Variants in TTLL11 observed in about 807,000 individuals in gnomAD.
TTLL11 encodes tubulin polyglutamylase TTLL11.
In TTLL11, 42 loss-of-function variants were observed where a neutral mutation model predicts 51.7. That is an observed-to-expected ratio of 0.81 (90% CI 0.64 to 1.05). The LOEUF (loss-of-function observed/expected upper bound fraction) is 1.05. TTLL11 is among the 50% of genes least tolerant of loss of function. The pLI is 0.00. For missense variants in TTLL11, 799 were observed against 940.4 expected (o/e 0.85, Z 1.97); for synonymous variants, 381 against 383.5 (o/e 0.99, Z 0.08).
intron 6 of TTLL11, among the ~76,000 whole-genome samples, chr9:121,957,219 G>T (rs1395131413): frequency 6.6e-6 from 1 of 152,076 alleles, no homozygotes; most frequent in Non-Finnish European, 1.5e-5. Context: ...ATCAGGGGGC[G>T]CCTTCTACCA....
chr9:122,041,099 A>G (rs999021733), intron 1 of TTLL11, among the ~76,000 whole-genome samples: 3 of 152,122 alleles, frequency 2.0e-5, no homozygotes, highest in African/African-American at 7.2e-5. Flanking sequence ...TACCACCCTC[A>G]TGAATACCAA....
intron 6 of TTLL11, among the ~76,000 whole-genome samples, chr9:121,923,095 T>G (rs181986017): frequency 7.9e-4 from 120 of 152,314 alleles, no homozygotes; most frequent in African/African-American, 2.8e-3. Context: ...AAAATGGGAC[T>G]TTGCATGAGG....
At chr9:121,868,398 C>T (rs138547207) in intron 7 of TTLL11, among the ~76,000 whole-genome samples, 35 of 152,280 alleles carry the variant, frequency 2.3e-4, no homozygotes, top group South Asian at 6.2e-4. Flanking sequence ...CAGCTTCCTA[C>T]GCAGATGGTG....
Position 122,093,259 on chromosome 9 carries a change from G to T in TTLL11, c.-111C>A. The T allele has an allele frequency of 6.5e-7, 1 of 1,528,516 alleles. No individual in the cohort carries two copies. The highest frequency in any genetic ancestry group is 1.4e-5 in the African/African-American group (1 of 70,198). The allele number at this position is 1,528,516 out of a possible 1,614,324, so 94.7% of individuals were successfully genotyped here. ...CTGCAGCCGCTGCCACGCGTTCCCC[G>T]CCCGAGCCCGTTGCCATGATCGCTC... On this transcript the variant is annotated 5_prime_UTR_variant, in exon 1 of 9. Transcript: ENST00000321582.
chr9:121,950,437 A>C (rs995154903), intron 6 of TTLL11, among the ~76,000 whole-genome samples: 3 of 152,160 alleles, frequency 2.0e-5, no homozygotes, highest in African/African-American at 7.2e-5. Flanking sequence ...AAGCCTGACA[A>C]AGGGCAAGGA....
intron 6 of TTLL11, among the ~76,000 whole-genome samples, chr9:121,952,504 T>A (rs7854089): frequency 0.9 from 135,462 of 150,488 alleles, 61,573 homozygotes; most frequent in Non-Finnish European, 0.97. Context: ...TCAGGGTCCA[T>A]AGCTTGTTCT....
intron 2 of TTLL11, 61 bp downstream of exon 2, chr9:122,039,211 A>G: frequency 7.4e-7 from 1 of 1,346,576 alleles, no homozygotes; most frequent in Non-Finnish European, 1.1e-6. Context: ...TTTTAGTAGA[A>G]GAGTGTATCT....
rs548475636 is a variant in TTLL11 at position 121,825,976 on chromosome 9, A to C, written c.1841-3097T>G. 2.0e-5 allele frequency among the ~76,000 whole-genome samples: 3 copies of C among 151,448 alleles called. No individual in the cohort carries two copies. The South Asian group carries it at 6.3e-4, about 32-fold the overall frequency. ...GATTTTCTACAGTAAACATGGATGC[A>C]ATTTAAACATCTGCAGTGGGAAATT... On this transcript the variant is annotated intron_variant, in intron 8 of 8. Transcript: ENST00000321582.
intron 6 of TTLL11, among the ~76,000 whole-genome samples, chr9:121,881,175 C>T (rs1201654452): frequency 6.6e-6 from 1 of 152,182 alleles, no homozygotes; most frequent in Non-Finnish European, 1.5e-5. Context: ...TACAGCTCTG[C>T]TAATGAAGGG....
chr9:121,997,265 A>G (rs1843304116), intron 3 of TTLL11, among the ~76,000 whole-genome samples: 1 of 151,876 alleles, frequency 6.6e-6, no homozygotes. Flanking sequence ...GAGACTCTCC[A>G]TTTTCCTCTC....
intron 6 of TTLL11, among the ~76,000 whole-genome samples, chr9:121,880,557 C>CA (rs1017867324): frequency 3.7e-4 from 57 of 152,296 alleles, no homozygotes; most frequent in African/African-American, 1.3e-3. Flanking sequence ...GCTAAGCCCA[C>CA]AGTATACATT....
At chr9:122,076,304 T>C (rs540796632) in intron 1 of TTLL11, among the ~76,000 whole-genome samples, 37 of 152,186 alleles carry the variant, frequency 2.4e-4, no homozygotes, top group Non-Finnish European at 4.6e-4. Flanking sequence ...CCTGTACATG[T>C]TGGCAGTGGT....
intron 6 of TTLL11, among the ~76,000 whole-genome samples, chr9:121,894,152 A>T (rs1839364003): frequency 6.6e-6 from 1 of 152,208 alleles, no homozygotes; most frequent in Non-Finnish European, 1.5e-5. Flanking sequence ...AAAATAAATG[A>T]GACAGTGTCC....
chr9:121,986,430 C>T (rs560294090), intron 4 of TTLL11, among the ~76,000 whole-genome samples: 8 of 152,342 alleles, frequency 5.3e-5, no homozygotes, highest in East Asian at 1.9e-4. Context: ...GACGTGTCCA[C>T]GTTGCAACTT....
chr9:121,974,899 G>A lies in TTLL11; in HGVS notation c.1350C>T (p.Ile450=), dbSNP rs560945618. Residue 450 remains isoleucine, a synonymous_variant, in exon 5 of 9, where the codon ATC becomes ATT. Coordinates refer to ENST00000321582, the MANE Select transcript of TTLL11 (RefSeq NM_001139442.2). ...AAATACTTACTTCGTGCTCATGTTCGATTCTCATACTGGGATTTGCATTTA... is the reference window on the plus strand; with the variant it reads ...AAATACTTACTTCGTGCTCATGTTCAATTCTCATACTGGGATTTGCATTTA... ...LEVNANPSMR[I]EHEHELSPGV... is the part of the protein sequence containing the mutation. The A allele has an allele frequency of 1.2e-5, 19 of 1,546,050 alleles. No homozygotes were observed. In the Admixed American group the frequency reaches 1.8e-4, roughly 15 times the overall value.
intron 6 of TTLL11, among the ~76,000 whole-genome samples, chr9:121,877,935 T>C (rs1588088485): frequency 6.6e-6 from 1 of 152,206 alleles, no homozygotes; most frequent in African/African-American, 2.4e-5. Flanking sequence ...TCAGGCCGGT[T>C]ATTTGTAACA....
At chr9:122,088,748 G>A (rs1846188592) in intron 1 of TTLL11, among the ~76,000 whole-genome samples, 1 of 152,176 alleles carries the variant, frequency 6.6e-6, no homozygotes, top group Non-Finnish European at 1.5e-5. Context: ...GCTCACGCCT[G>A]TAATCCCAGC....
rs751247501 is a variant in TTLL11 at position 121,815,744 on chromosome 9, A to C, written c.*6843T>G. The stretch of plus-strand genomic sequence containing the variant: ...TATTATTGCGTTTTATGAAGTTGCC[A>C]AGACAACTGAGGCCAAGTAACAGAA... On this transcript the variant is annotated 3_prime_UTR_variant, in exon 9 of 9. Coordinates refer to ENST00000321582, the MANE Select transcript of TTLL11 (RefSeq NM_001139442.2). The C allele has an allele frequency of 3.3e-5, 5 of 152,212 alleles. No individual in the cohort carries two copies. Among genetic ancestry groups the C allele is most frequent in the African/African-American group, 4.8e-5 (2 of 41,454 alleles). 9.4% of individuals were successfully genotyped at this position (152,212 alleles called of 1,614,324 possible). A position where few individuals can be genotyped will look rare whatever the true frequency, so the allele number is the denominator to read the frequency against.
chr9:121,861,006 G>T (rs2131380976), intron 7 of TTLL11, among the ~76,000 whole-genome samples: 1 of 152,184 alleles, frequency 6.6e-6, no homozygotes, highest in East Asian at 1.9e-4. Context: ...AGATCCTCAG[G>T]TTCCTGTAAG....
Sources: gnomAD v4.1 joint callset for allele counts (sites outside exome capture counted in the v4.1 genomes callset) on GRCh38, gnomAD v4.1.1 for gene constraint, MANE v1.5 for transcripts, NCBI Gene and HGNC (gene_info 2026-07-23, HGNC 2026-07-21) for gene names.